ZDHHC6: variants seen among roughly 807,000 people sequenced by gnomAD.
ZDHHC6 encodes palmitoyltransferase ZDHHC6.
A neutral mutation model predicts 57.8 loss-of-function variants in ZDHHC6; 32 were observed. The ratio of observed to expected loss-of-function variants is 0.55; its 90% CI spans 0.42 to 0.74. The LOEUF is 0.74. Ranked by LOEUF, ZDHHC6 falls within the 30% of genes least tolerant of loss-of-function variation. ZDHHC6 has a pLI of 0.00. For missense variants in ZDHHC6, 433 were observed against 500.7 expected (o/e 0.86, Z 1.29); for synonymous variants, 128 against 158.0 (o/e 0.81, Z 1.42).
downstream of ZDHHC6, chr10:112,427,165 C>T (rs1363240168): frequency 1.3e-6 from 2 of 1,556,344 alleles, no homozygotes; most frequent in Non-Finnish European, 1.7e-6. Flanking sequence ...GGGGGCTCTG[C>T]AGAGAAGTCC....
downstream of ZDHHC6, chr10:112,427,255 T>C (rs780932644): frequency 7.4e-6 from 12 of 1,613,572 alleles, no homozygotes; most frequent in Admixed American, 1.7e-5. Context: ...CCATTTTCCA[T>C]TGAAAATGGG....
intron 4 of ZDHHC6, among the ~76,000 whole-genome samples, chr10:112,441,846 G>T (rs1409628775): frequency 1.3e-5 from 2 of 152,170 alleles, no homozygotes; most frequent in Non-Finnish European, 2.9e-5. Context: ...ACTACAACTT[G>T]CCACATGAAT....
chr10:112,434,237 G>T, intron 7 of ZDHHC6, 60 bp downstream of exon 7: 1 of 1,444,262 alleles, frequency 6.9e-7, no homozygotes, highest in Non-Finnish European at 9.3e-7. Context: ...TGAGTTGAGG[G>T]GGAGTTAAGG....
downstream of ZDHHC6, chr10:112,427,110 T>C: frequency 8.4e-7 from 1 of 1,184,900 alleles, no homozygotes; most frequent in Non-Finnish European, 1.2e-6. Flanking sequence ...ACTGTTACCT[T>C]TACCCTTTCA....
At chr10:112,447,027 G>T, upstream of ZDHHC6, 1 of 280,724 alleles carries the variant, frequency 3.6e-6, no homozygotes, top group South Asian at 6.8e-5. Flanking sequence ...ATCCGGAGCC[G>T]ATTCCCAGAA....
At chr10:112,440,284 CA>C (rs1261133560) in intron 5 of ZDHHC6, among the ~76,000 whole-genome samples, 1 of 152,146 alleles carries the variant, frequency 6.6e-6, no homozygotes, top group Non-Finnish European at 1.5e-5. Context: ...AGAGCTCTCT[CA>C]ATTCTGAAGT....
intron 4 of ZDHHC6, 79 bp downstream of exon 4, chr10:112,442,113 G>GTTCCAA: frequency 7.2e-7 from 1 of 1,394,970 alleles, no homozygotes; most frequent in South Asian, 1.7e-5. Context: ...ATTTCCAAAA[G>GTTCCAA]GAACCTCTTA....
upstream of ZDHHC6, chr10:112,447,045 G>T (rs975000434): frequency 2.0e-5 from 6 of 297,582 alleles, no homozygotes; most frequent in East Asian, 1.9e-4. Context: ...GAACACGAAG[G>T]GGGGAAAAAA....
At chr10:112,447,420 C>A, upstream of ZDHHC6, 1 of 1,613,734 alleles carries the variant, frequency 6.2e-7, no homozygotes, top group Non-Finnish European at 8.5e-7. Flanking sequence ...GCGGTGCTCA[C>A]TGCAGAGATC....
chr10:112,432,416 G>T lies in ZDHHC6; in HGVS notation c.1051C>A (p.Leu351Met), dbSNP rs1303397953. Residue 351 changes from leucine to methionine, a missense_variant, in exon 9 of 11, where the codon CTG becomes ATG. Coordinates refer to ENST00000369405, the MANE Select transcript of ZDHHC6 (RefSeq NM_022494.3). ...SPCTEEPRIQ[L>M]QKGEFILATR... Reference sequence around the variant, plus strand: ...GCTAAAATGAATTCCCCTTTTTGCAGCTGTATTCGAGGCTCTTCGGTGCAG... The same window carrying T: ...GCTAAAATGAATTCCCCTTTTTGCATCTGTATTCGAGGCTCTTCGGTGCAG... The T allele has an allele frequency of 5.0e-6, 8 of 1,613,932 alleles. No homozygotes were observed. Among genetic ancestry groups the T allele is most frequent in the Non-Finnish European group, 5.9e-6 (7 of 1,179,990 alleles).
intron 2 of ZDHHC6, among the ~76,000 whole-genome samples, chr10:112,444,039 T>C (rs1209999992): frequency 1.3e-5 from 2 of 152,182 alleles, no homozygotes; most frequent in Admixed American, 6.5e-5. Flanking sequence ...CCTAACTAGT[T>C]TCCTTTACTG....
rs1844958220 is a variant in ZDHHC6, at chr10:112,430,877, C to A, written c.1169G>T (p.Arg390Ile). The change falls in exon 11 of 11, where the codon AGA (arginine) becomes ATA (isoleucine). Residue 390 changes from arginine (R) to isoleucine (I), a missense_variant. By Grantham distance (97) the Arg-to-Ile change is moderately conservative. Transcript: ENST00000369405. ...GVSRIRGWFP[R>I]KCVEKCPCDA... is the part of the protein sequence containing the mutation. ...ACAGGGACACTTTTCCACACATTTT[C>A]TAGGGAACCAACCCCTTATTCTTGA... is the stretch of plus-strand genomic sequence containing the variant. The A allele has an allele frequency of 6.2e-7, 1 of 1,613,622 alleles. No homozygotes were observed.
intron 4 of ZDHHC6, among the ~76,000 whole-genome samples, chr10:112,440,929 T>G (rs950196519): frequency 6.6e-6 from 1 of 152,220 alleles, no homozygotes; most frequent in African/African-American, 2.4e-5. Context: ...CACTGCAACC[T>G]CCACCTCCCA....
In ZDHHC6 at chr10:112,432,239, C is replaced by A; in HGVS notation, c.1138+1G>T. On this transcript the variant is annotated splice_donor_variant, in intron 10 of 10. Coordinates refer to ENST00000369405, the MANE Select transcript of ZDHHC6 (RefSeq NM_022494.3). LOFTEE classifies it high-confidence loss of function. ...TTAAACATGCCCTTCCATTTCCATACCTTCTATAAAGGAATCATCAAGAAT... is the reference window on the plus strand; with the variant it reads ...TTAAACATGCCCTTCCATTTCCATAACTTCTATAAAGGAATCATCAAGAAT... The A allele has an allele frequency of 1.2e-6, 2 of 1,600,474 alleles. No homozygotes were observed. Among genetic ancestry groups the A allele is most frequent in the South Asian group, 1.1e-5 (1 of 87,962 alleles).
At chr10:112,441,500 A>C (rs1846115244) in intron 4 of ZDHHC6, among the ~76,000 whole-genome samples, 1 of 152,240 alleles carries the variant, frequency 6.6e-6, no homozygotes, top group Non-Finnish European at 1.5e-5. Context: ...ATTCAGAATT[A>C]GGTGCCAACA....
chr10:112,445,734 A>G, intron 1 of ZDHHC6, 84 bp from the exon 2 acceptor site: 1 of 485,684 alleles, frequency 2.1e-6, no homozygotes, highest in Non-Finnish European at 3.6e-6. Context: ...AACTACAATA[A>G]ACACCTACAC....
chr10:112,426,886 G>C, downstream of ZDHHC6: 1 of 1,546,210 alleles, frequency 6.5e-7, no homozygotes, highest in Non-Finnish European at 8.9e-7. Flanking sequence ...ATGTTATACT[G>C]GCCTCTTGTC....
downstream of ZDHHC6, among the ~76,000 whole-genome samples, chr10:112,429,469 A>G (rs776699606): frequency 1.6e-4 from 25 of 152,146 alleles, no homozygotes; most frequent in Non-Finnish European, 3.4e-4. Flanking sequence ...CATCTTACAT[A>G]TATTTTACCT....
At chr10:112,441,931 A>G (rs1386792417) in intron 4 of ZDHHC6, among the ~76,000 whole-genome samples, 2 of 152,236 alleles carry the variant, frequency 1.3e-5, no homozygotes, top group Non-Finnish European at 2.9e-5. Flanking sequence ...TTGAAGTCTA[A>G]CAAATTACAT....
Sources: gnomAD v4.1 joint callset for allele counts (sites outside exome capture counted in the v4.1 genomes callset) on GRCh38, gnomAD v4.1.1 for gene constraint, MANE v1.5 for transcripts, NCBI Gene and HGNC (gene_info 2026-07-23, HGNC 2026-07-21) for gene names.